WDR59: variants seen among roughly 807,000 people sequenced by gnomAD.
WDR59 encodes WD repeat domain 59, also known as GATOR2 complex protein WDR59.
Under a neutral mutation model 131.2 loss-of-function variants are expected in WDR59, and 100 were observed. The ratio of observed to expected loss-of-function variants is 0.76; its 90% CI spans 0.65 to 0.90. WDR59 has a LOEUF of 0.90. WDR59 is among the 40% of genes least tolerant of loss of function. The probability of loss-of-function intolerance (pLI) is 0.00; values close to 1 mark genes in which losing one functional copy is unlikely to be tolerated. For synonymous variants in WDR59, 601 were observed against 466.2 expected, an observed-to-expected ratio of 1.29 and a Z score of -3.72; for missense variants, 1,203 against 1,262.2, an observed-to-expected ratio of 0.95 and a Z score of 0.71.
At chr16:74,962,609 T>C (rs937506295) in intron 2 of WDR59, among the ~76,000 whole-genome samples, 2 of 152,116 alleles carry the variant, frequency 1.3e-5, no homozygotes, top group Admixed American at 1.3e-4. Context: ...TGTATAGGAA[T>C]GCTTGTGATT....
chr16:74,941,017 T>C (rs973003861), intron 7 of WDR59, among the ~76,000 whole-genome samples: 7 of 151,830 alleles, frequency 4.6e-5, no homozygotes, highest in African/African-American at 1.5e-4. Context: ...AATGCTGTTA[T>C]AGTGACAAAC....
chr16:74,964,066 T>C (rs2033668640), intron 2 of WDR59, among the ~76,000 whole-genome samples: 1 of 151,538 alleles, frequency 6.6e-6, no homozygotes, highest in African/African-American at 2.4e-5. Flanking sequence ...AATATAAAGA[T>C]TCAAGATCAT....
At chr16:74,951,567 A>T (rs753482487) in intron 3 of WDR59, 24 bp from the exon 4 acceptor site, 55 of 1,563,236 alleles carry the variant, frequency 3.5e-5, no homozygotes, top group Non-Finnish European at 4.8e-5. Context: ...AAAGAAGGCC[A>T]CAGGCAAGTA....
intron 23 of WDR59, among the ~76,000 whole-genome samples, 162 bp downstream of exon 23, chr16:74,887,521 T>C (rs772511361): frequency 6.6e-6 from 1 of 152,126 alleles, no homozygotes; most frequent in Non-Finnish European, 1.5e-5. Context: ...CTGTTCAACA[T>C]GCAAAGTCAG....
At chr16:74,882,912 T>C (rs376913255) in intron 25 of WDR59, among the ~76,000 whole-genome samples, 5 of 150,222 alleles carry the variant, frequency 3.3e-5, no homozygotes, top group East Asian at 1.9e-4. Flanking sequence ...AATCATTCTA[T>C]GCATCTTATT....
chr16:74,950,905 C>A (rs1260042421), intron 4 of WDR59, among the ~76,000 whole-genome samples: 1 of 150,916 alleles, frequency 6.6e-6, no homozygotes, highest in Non-Finnish European at 1.5e-5. Flanking sequence ...CCTGTAATCC[C>A]AACACTTTGG....
intron 25 of WDR59, among the ~76,000 whole-genome samples, chr16:74,884,295 C>T (rs1337088231): frequency 6.6e-6 from 1 of 152,208 alleles, no homozygotes; most frequent in East Asian, 1.9e-4. Context: ...ACCCAAAGCA[C>T]ACTGCTTACT....
chr16:74,942,890 C>T (rs2032341647), intron 6 of WDR59, 64 bp from the exon 7 acceptor site: 2 of 1,455,604 alleles, frequency 1.4e-6, no homozygotes, highest in South Asian at 2.3e-5. Flanking sequence ...GAGCAGAGCA[C>T]AGCCAGGGGA....
At chr16:74,919,485 A>G (rs1308485207) in intron 10 of WDR59, among the ~76,000 whole-genome samples, 1 of 147,960 alleles carries the variant, frequency 6.8e-6, no homozygotes, top group African/African-American at 2.5e-5. Context: ...GGCACGTGCC[A>G]CCACACCTGG....
chr16:74,908,884 G>A (rs200112711), intron 17 of WDR59, 24 bp downstream of exon 17: 108 of 1,609,976 alleles, frequency 6.7e-5, no homozygotes, highest in African/African-American at 8.0e-5. Flanking sequence ...AACGTAGAGC[G>A]GCTTCTGCAT....
At chr16:74,939,821 T>G (rs111759200) in intron 7 of WDR59, among the ~76,000 whole-genome samples, 1 of 151,764 alleles carries the variant, frequency 6.6e-6, no homozygotes, top group African/African-American at 2.4e-5. Flanking sequence ...GATTCCCATC[T>G]CTACAAGAAA....
intron 8 of WDR59, among the ~76,000 whole-genome samples, chr16:74,925,562 C>T (rs1214934723): frequency 8.2e-6 from 1 of 122,344 alleles, no homozygotes; most frequent in Non-Finnish European, 1.8e-5. Flanking sequence ...AAAAAAAAAG[C>T]ATTCTCAGAA....
intron 8 of WDR59, among the ~76,000 whole-genome samples, chr16:74,929,849 T>G (rs868374232): frequency 1.3e-5 from 2 of 152,126 alleles, no homozygotes; most frequent in Non-Finnish European, 2.9e-5. Context: ...TATTCATCCA[T>G]GAAAAAGAAT....
intron 18 of WDR59, among the ~76,000 whole-genome samples, chr16:74,899,546 A>C (rs546705989): frequency 6.6e-6 from 1 of 151,882 alleles, no homozygotes; most frequent in Non-Finnish European, 1.5e-5. Context: ...TGGTGTCTGA[A>C]CTCCCCCAAG....
intron 1 of WDR59, among the ~76,000 whole-genome samples, chr16:74,977,021 T>C (rs2034213261): frequency 6.6e-6 from 1 of 151,852 alleles, no homozygotes; most frequent in Non-Finnish European, 1.5e-5. Context: ...ACAACAAGAC[T>C]GAAAAAGCAT....
chr16:74,977,324 G>T (rs1442108983), intron 1 of WDR59, among the ~76,000 whole-genome samples: 1 of 152,126 alleles, frequency 6.6e-6, no homozygotes, highest in African/African-American at 2.4e-5. Flanking sequence ...TGGGAGAATG[G>T]ATTTACAATA....
chr16:74,915,097 T>G (rs565991239), intron 13 of WDR59, among the ~76,000 whole-genome samples: 1 of 152,338 alleles, frequency 6.6e-6, no homozygotes, highest in South Asian at 2.1e-4. Context: ...ACTGTGAATC[T>G]AAATTACCAG....
Position 74,975,350 on chromosome 16 carries a change from C to T in WDR59, c.55-9528G>A, listed in dbSNP as rs574379595. Among the ~76,000 whole-genome samples, 15 of 149,186 alleles carry T rather than the reference C, an allele frequency of 1.0e-4. 1 individual carries two copies. In the South Asian group the frequency reaches 3.2e-3, roughly 32 times the overall value. On this transcript the variant is annotated intron_variant, in intron 1 of 25. Transcript: ENST00000262144. ...CACTCCAGCCTGGGAGACAGCAATA[C>T]TCTGTCTCAAAAAACAACAAAAAAA...
intron 17 of WDR59, among the ~76,000 whole-genome samples, chr16:74,906,860 G>A (rs1037007763): frequency 4.6e-5 from 7 of 152,214 alleles, no homozygotes; most frequent in African/African-American, 1.7e-4. Context: ...AAGGGACTGG[G>A]AACCTTTGTG....
Sources: allele counts gnomAD v4.1 joint callset (sites outside exome capture counted in the v4.1 genomes callset), GRCh38; gene constraint gnomAD v4.1.1; transcripts MANE v1.5; gene names NCBI Gene and HGNC (gene_info 2026-07-23, HGNC 2026-07-21).